Variants in SOX5 observed in about 807,000 individuals in gnomAD.
SOX5 encodes transcription factor SOX-5.
In SOX5, 9 loss-of-function variants were observed where a neutral mutation model predicts 92.0. The ratio of observed to expected loss-of-function variants is 0.10; its 90% CI spans 0.06 to 0.17. The LOEUF is 0.17. Ranked by LOEUF, SOX5 falls within the 10% of genes least tolerant of loss-of-function variation. The pLI is 1.00. For missense variants in SOX5, 642 were observed against 944.5 expected (o/e 0.68, Z 4.20); for synonymous variants, 344 against 336.3 (o/e 1.02, Z -0.25).
intron 2 of SOX5, among the ~76,000 whole-genome samples, chr12:24,301,510 A>G (rs984520636): frequency 1.3e-5 from 2 of 152,228 alleles, no homozygotes; most frequent in Non-Finnish European, 2.9e-5. Flanking sequence ...ACATTCAAAT[A>G]AAAGAGCAGG....
At chr12:24,264,498 C>CACAGA (rs1409067501) in intron 3 of SOX5, among the ~76,000 whole-genome samples, 8 of 152,254 alleles carry the variant, frequency 5.3e-5, no homozygotes, top group South Asian at 2.1e-4. Flanking sequence ...AATGGAAGAA[C>CACAGA]ACAGAATTCA....
chr12:24,087,027 C>G (rs1944077618), intron 4 of SOX5, among the ~76,000 whole-genome samples: 1 of 151,908 alleles, frequency 6.6e-6, no homozygotes, highest in South Asian at 2.1e-4. Flanking sequence ...TTAGAGTGAC[C>G]TTTTTCTAAA....
intron 4 of SOX5, among the ~76,000 whole-genome samples, chr12:24,006,264 T>G (rs35627524): frequency 0.03 from 4,592 of 152,294 alleles, 114 homozygotes; most frequent in Middle Eastern, 0.078. Flanking sequence ...AGAGAATCTT[T>G]TAATGTACTA....
intron 4 of SOX5, chr12:24,212,622 G>T: frequency 2.6e-6 from 1 of 381,170 alleles, no homozygotes. Context: ...CCTGGACCCA[G>T]GAATGAACAC....
At chr12:23,899,145 C>T (rs1419247636) in intron 1 of SOX5, among the ~76,000 whole-genome samples, 2 of 152,110 alleles carry the variant, frequency 1.3e-5, no homozygotes, top group Admixed American at 6.5e-5. Context: ...TGCAGTGGCT[C>T]ACGCCTATAA....
At chr12:23,999,537 A>G (rs531923268) in intron 4 of SOX5, among the ~76,000 whole-genome samples, 13 of 152,136 alleles carry the variant, frequency 8.5e-5, no homozygotes, top group Non-Finnish European at 1.8e-4. Context: ...CATAATGTAT[A>G]CATATATCAA....
chr12:23,935,281 T>G (rs1253746819), intron 1 of SOX5, among the ~76,000 whole-genome samples: 1 of 151,238 alleles, frequency 6.6e-6, no homozygotes, highest in African/African-American at 2.4e-5. Flanking sequence ...GGCTACAAAT[T>G]AAAGAATATC....
chr12:23,657,657 G>A (rs1327059444), intron 7 of SOX5, among the ~76,000 whole-genome samples: 1 of 152,068 alleles, frequency 6.6e-6, no homozygotes, highest in Admixed American at 6.5e-5. Context: ...GTCTGTTACT[G>A]AGATGAAATT....
chr12:23,926,982 T>G (rs1260897994), intron 1 of SOX5, among the ~76,000 whole-genome samples: 1 of 152,122 alleles, frequency 6.6e-6, no homozygotes, highest in Non-Finnish European at 1.5e-5. Context: ...TTCTTATTTG[T>G]CATGTTTACT....
chr12:23,770,281 A>G (rs957414372), intron 3 of SOX5, among the ~76,000 whole-genome samples: 5 of 148,746 alleles, frequency 3.4e-5, no homozygotes, highest in African/African-American at 1.2e-4. Flanking sequence ...GCTCACCCCC[A>G]TTACCCCACC....
chr12:24,159,812 C>T (rs1952567549), intron 4 of SOX5, among the ~76,000 whole-genome samples: 1 of 151,948 alleles, frequency 6.6e-6, no homozygotes, highest in African/African-American at 2.4e-5. Context: ...TGCTGACAGA[C>T]TGCAAAGATC....
At chr12:24,040,630 T>G (rs12303822) in intron 4 of SOX5, among the ~76,000 whole-genome samples, 1 of 152,210 alleles carries the variant, frequency 6.6e-6, no homozygotes, top group Non-Finnish European at 1.5e-5. Context: ...CCCAGCACTT[T>G]GGGAGGCCAA....
intron 2 of SOX5, among the ~76,000 whole-genome samples, chr12:23,852,882 T>C (rs2136203983): frequency 6.6e-6 from 1 of 151,996 alleles, no homozygotes; most frequent in Non-Finnish European, 1.5e-5. Context: ...AAGCCTTCCA[T>C]GTGAGACTGA....
intron 3 of SOX5, among the ~76,000 whole-genome samples, chr12:23,794,388 C>T (rs1185203269): frequency 6.6e-6 from 1 of 152,100 alleles, no homozygotes; most frequent in African/African-American, 2.4e-5. Context: ...TATTTTTTCA[C>T]AGATCTTGTA....
intron 4 of SOX5, among the ~76,000 whole-genome samples, chr12:24,060,685 G>C (rs952658033): frequency 3.3e-5 from 5 of 152,092 alleles, no homozygotes; most frequent in Non-Finnish European, 2.9e-5. Context: ...CTCGAGGATG[G>C]GTTCAGGTAT....
chr12:23,947,625 T>C (rs958112195), intron 1 of SOX5, among the ~76,000 whole-genome samples: 5 of 151,880 alleles, frequency 3.3e-5, no homozygotes, highest in Admixed American at 6.6e-5. Flanking sequence ...TTTCTAAATA[T>C]GATAGTCATA....
At chr12:24,171,229 G>T (rs12369879) in intron 4 of SOX5, among the ~76,000 whole-genome samples, 35,732 of 54,480 alleles carry the variant, frequency 0.66, 10,052 homozygotes, top group Non-Finnish European at 0.69. Context: ...TTGTTTGTTT[G>T]TTTTTTTTTT....
At chr12:23,856,619 C>T (rs2096693100) in intron 2 of SOX5, among the ~76,000 whole-genome samples, 1 of 152,086 alleles carries the variant, frequency 6.6e-6, no homozygotes, top group Non-Finnish European at 1.5e-5. Flanking sequence ...CATTAAGCTT[C>T]CTCAACTGAT....
At position 24,392,700 on chromosome 12, in the gene SOX5, T is replaced by C. The variant is rs144034458; in HGVS notation, c.-250-24061A>G. 4.0e-3 allele frequency among the ~76,000 whole-genome samples: 603 copies of C among 152,280 alleles called. 2 individuals are homozygous for C. Among genetic ancestry groups the C allele is most frequent in the African/African-American group, 0.014 (573 of 41,540 alleles). On this transcript the variant is annotated intron_variant, in intron 1 of 4. Transcript: ENST00000446891. ...TCTCTACCCCTAGAACCCAAACGCT[T>C]TGAGAGCAGGGACTTTTGTTTTGTT...
Sources: gnomAD v4.1 joint callset for allele counts (sites outside exome capture counted in the v4.1 genomes callset) on GRCh38, gnomAD v4.1.1 for gene constraint, MANE v1.5 for transcripts, NCBI Gene and HGNC (gene_info 2026-07-23, HGNC 2026-07-21) for gene names.